The following CCDC171 variants were observed in gnomAD, a reference collection of about 807,000 sequenced individuals.
The protein encoded by CCDC171 is coiled-coil domain containing 171.
Under a neutral mutation model 168.2 loss-of-function variants are expected in CCDC171, and 177 were observed. That is an observed-to-expected ratio of 1.05 (90% CI 0.93 to 1.19). CCDC171 has a LOEUF of 1.19. CCDC171 is among the 50% of genes most tolerant of loss of function. The pLI is 0.00. For synonymous variants in CCDC171, 687 were observed against 540.8 expected (o/e 1.27, Z -3.75); for missense variants, 1,991 against 1,539.0 (o/e 1.29, Z -4.91).
chr9:15,562,519 A>G (rs190538158), intron 1 of CCDC171, among the ~76,000 whole-genome samples: 1 of 152,274 alleles, frequency 6.6e-6, no homozygotes, highest in East Asian at 1.9e-4. Flanking sequence ...AAAATAATGC[A>G]CTGAAGTATG....
intron 3 of CCDC171, among the ~76,000 whole-genome samples, chr9:15,997,655 A>T (rs1832414901): frequency 6.6e-6 from 1 of 152,032 alleles, no homozygotes; most frequent in Non-Finnish European, 1.5e-5. Context: ...ACTCTTCTCC[A>T]CTATCCATTT....
At position 15,820,741 on chromosome 9, in the gene CCDC171, C is replaced by T. The variant is rs1256500435; in HGVS notation, c.3268-25961C>T. Among the ~76,000 whole-genome samples, 18 of 117,156 alleles carry T rather than the reference C, an allele frequency of 1.5e-4. 4 individuals are homozygous for T. Among genetic ancestry groups the T allele is most frequent in the African/African-American group, 5.1e-4 (16 of 31,228 alleles). 76.9% of individuals were successfully genotyped at this position (117,156 alleles called of 152,430 possible). A position where few individuals can be genotyped will look rare whatever the true frequency, so the allele number is the denominator to read the frequency against. ...GTCCAGGACCAGATGGATTCACAGC[C>T]GAATTCTACCAGAGGTACAGGAGGA... On this transcript the variant is annotated intron_variant, in intron 21 of 25. Coordinates refer to ENST00000380701, the MANE Select transcript of CCDC171 (RefSeq NM_173550.4).
At position 15,800,213 on chromosome 9, in the gene CCDC171, A is replaced by G. The variant is rs1045344200; in HGVS notation, c.3267+15519A>G. ...CCAAACTGTTCTCCATAGTGGTTGT[A>G]CTAATTTACATTCCCACCAACAGCA... On this transcript the variant is annotated intron_variant, in intron 21 of 25. Transcript: ENST00000380701. 7.5e-4 allele frequency among the ~76,000 whole-genome samples: 114 copies of G among 152,238 alleles called. 1 individual carries two copies. The highest frequency in any genetic ancestry group is 2.5e-3 in the African/African-American group (105 of 41,552).
chr9:15,597,292 G>T (rs201357726), intron 6 of CCDC171, among the ~76,000 whole-genome samples: 2 of 151,990 alleles, frequency 1.3e-5, no homozygotes, highest in African/African-American at 2.4e-5. Flanking sequence ...TTGTCATAAA[G>T]AGCTCTTATT....
intron 18 of CCDC171, among the ~76,000 whole-genome samples, chr9:15,774,614 C>T (rs1299502434): frequency 6.6e-6 from 1 of 152,124 alleles, no homozygotes; most frequent in African/African-American, 2.4e-5. Context: ...CATATCTACT[C>T]AGAGGAAAAG....
chr9:15,588,326 TG>T, intron 4 of CCDC171: 1 of 217,390 alleles, frequency 4.6e-6, no homozygotes, highest in South Asian at 7.2e-5. Flanking sequence ...TCCCTGCATC[TG>T]GTGCTACGTC....
chr9:15,590,063 G>T (rs2041869850), intron 4 of CCDC171, among the ~76,000 whole-genome samples: 1 of 152,288 alleles, frequency 6.6e-6, no homozygotes, highest in Middle Eastern at 3.4e-3. Flanking sequence ...AATAAAGACA[G>T]AGAAGATTCT....
intron 24 of CCDC171, among the ~76,000 whole-genome samples, chr9:15,890,955 G>A (rs1205104776): frequency 6.6e-6 from 1 of 151,996 alleles, no homozygotes; most frequent in Non-Finnish European, 1.5e-5. Context: ...AAAAGGACTG[G>A]CTCTTAATAA....
At chr9:15,646,689 A>C (rs2047067424) in intron 7 of CCDC171, among the ~76,000 whole-genome samples, 1 of 152,248 alleles carries the variant, frequency 6.6e-6, no homozygotes, top group Non-Finnish European at 1.5e-5. Flanking sequence ...TCAATTCAAC[A>C]AGAAGAGCTA....
At chr9:15,797,071 A>G (rs1293472742) in intron 21 of CCDC171, among the ~76,000 whole-genome samples, 3 of 152,126 alleles carry the variant, frequency 2.0e-5, no homozygotes, top group Non-Finnish European at 4.4e-5. Context: ...CTTTAATTTT[A>G]TCTGTTATAA....
downstream of CCDC171, among the ~76,000 whole-genome samples, chr9:15,975,579 T>C (rs572727085): frequency 6.6e-6 from 1 of 152,146 alleles, no homozygotes; most frequent in Non-Finnish European, 1.5e-5. Context: ...TGTCTCTAGC[T>C]TGGCCAAAAG....
At chr9:16,099,164 AT>A in the CCDC171 span, among the ~76,000 whole-genome samples, 5 of 152,178 alleles carry the variant, frequency 3.3e-5, no homozygotes, top group African/African-American at 1.2e-4. Context: ...TAAAACATCA[AT>A]TTTTTGCTAA....
At chr9:15,902,492 G>C (rs1048601365) in intron 24 of CCDC171, among the ~76,000 whole-genome samples, 7 of 152,126 alleles carry the variant, frequency 4.6e-5, no homozygotes, top group Admixed American at 1.3e-4. Context: ...TGAATTCCCT[G>C]ATTTAGTAAA....
chr9:16,001,565 G>A (rs1357203946), intron 3 of CCDC171, among the ~76,000 whole-genome samples: 1 of 152,200 alleles, frequency 6.6e-6, no homozygotes, highest in South Asian at 2.1e-4. Flanking sequence ...GTCATGCACT[G>A]CATAACAACA....
At chr9:15,892,647 C>G (rs755155054) in intron 24 of CCDC171, among the ~76,000 whole-genome samples, 20 of 151,758 alleles carry the variant, frequency 1.3e-4, no homozygotes, top group Admixed American at 1.2e-3. Context: ...ACAGGCAAGC[C>G]GAAAGTCAAA....
chr9:15,746,847 C>T (rs1188983552), intron 18 of CCDC171, among the ~76,000 whole-genome samples: 1 of 152,150 alleles, frequency 6.6e-6, no homozygotes, highest in African/African-American at 2.4e-5. Context: ...GTTTCCTAGC[C>T]AAGGGAAGCT....
intron 8 of CCDC171, among the ~76,000 whole-genome samples, chr9:15,661,047 G>A (rs1433976044): frequency 6.6e-6 from 1 of 152,130 alleles, no homozygotes; most frequent in Non-Finnish European, 1.5e-5. Context: ...TTGGGAGGCC[G>A]AGGCGGGTGG....
intron 7 of CCDC171, among the ~76,000 whole-genome samples, chr9:15,652,373 C>T (rs763626713): frequency 4.0e-5 from 6 of 151,876 alleles, no homozygotes; most frequent in Non-Finnish European, 8.8e-5. Flanking sequence ...TCTGGACTGT[C>T]AGTTCCTTTC....
intron 16 of CCDC171, among the ~76,000 whole-genome samples, chr9:15,741,936 A>G (rs1203493433): frequency 6.6e-6 from 1 of 152,230 alleles, no homozygotes; most frequent in Non-Finnish European, 1.5e-5. Context: ...ACCTGTATCT[A>G]CATGCACAAT....
Sources: allele counts gnomAD v4.1 joint callset (sites outside exome capture counted in the v4.1 genomes callset), GRCh38; gene constraint gnomAD v4.1.1; transcripts MANE v1.5; gene names NCBI Gene and HGNC (gene_info 2026-07-23, HGNC 2026-07-21).